Variants in ZSWIM5 observed in about 807,000 individuals in gnomAD.
ZSWIM5 encodes zinc finger SWIM domain-containing protein 5.
ZSWIM5 carries 55 observed loss-of-function variants against 119.6 expected under a neutral mutation model. The ratio of observed to expected loss-of-function variants is 0.46; its 90% CI spans 0.37 to 0.58. ZSWIM5 has a LOEUF of 0.58. ZSWIM5 is among the 20% of genes least tolerant of loss of function. The pLI, the probability that ZSWIM5 is intolerant of heterozygous loss-of-function variation, is 0.00. For synonymous variants in ZSWIM5, 537 were observed against 606.9 expected (o/e 0.88, Z 1.69); for missense variants, 1,193 against 1,512.8 (o/e 0.79, Z 3.51).
At chr1:45,042,775 G>A (rs905369529) in intron 6 of ZSWIM5, among the ~76,000 whole-genome samples, 6 of 152,314 alleles carry the variant, frequency 3.9e-5, no homozygotes, top group Admixed American at 2.0e-4. Context: ...GGAAGGTGGG[G>A]AGGAGAAAAG....
At chr1:45,158,494 T>C (rs989940085) in intron 1 of ZSWIM5, among the ~76,000 whole-genome samples, 1 of 152,226 alleles carries the variant, frequency 6.6e-6, no homozygotes, top group Non-Finnish European at 1.5e-5. Context: ...TTTTAAATAA[T>C]GTTACAGAAC....
At chr1:45,138,609 G>A (rs544069112) in intron 1 of ZSWIM5, among the ~76,000 whole-genome samples, 4 of 151,820 alleles carry the variant, frequency 2.6e-5, no homozygotes, top group Non-Finnish European at 4.4e-5. Context: ...AGCAGGTTCC[G>A]CAGGGCTGAC....
At chr1:45,035,630 A>G (rs918807898) in intron 10 of ZSWIM5, 58 bp downstream of exon 10, 7 of 1,575,380 alleles carry the variant, frequency 4.4e-6, no homozygotes, top group South Asian at 2.3e-5. Flanking sequence ...GCAATGAAAA[A>G]GAGCACTGGA....
chr1:45,046,634 A>G lies in ZSWIM5; in HGVS notation c.1433-3239T>C, dbSNP rs201355591. 2.6e-4 allele frequency among the ~76,000 whole-genome samples: 39 copies of G among 147,518 alleles called. 1 individual carries two copies. The East Asian group carries it at 2.8e-3, about 11-fold the overall frequency. On this transcript the variant is annotated intron_variant, in intron 5 of 13. Coordinates refer to ENST00000359600, the MANE Select transcript of ZSWIM5 (RefSeq NM_020883.2). ...TTGAGAGGAAAGGTCTGGGCAAGAT[A>G]TGTGTGTGTGTGTGTGTGTGTGTGT...
At chr1:45,047,439 T>C (rs2148995955) in intron 5 of ZSWIM5, among the ~76,000 whole-genome samples, 1 of 152,286 alleles carries the variant, frequency 6.6e-6, no homozygotes, top group African/African-American at 2.4e-5. Flanking sequence ...TAATGATTTT[T>C]CCTAACTCTA....
chr1:45,161,808 T>C (rs1282460107), intron 1 of ZSWIM5, among the ~76,000 whole-genome samples: 1 of 152,224 alleles, frequency 6.6e-6, no homozygotes, highest in Middle Eastern at 3.2e-3. Context: ...TAACTGACAA[T>C]TACATTTTTA....
chr1:45,140,295 T>C (rs1018965290), intron 1 of ZSWIM5, among the ~76,000 whole-genome samples: 1 of 152,248 alleles, frequency 6.6e-6, no homozygotes, highest in African/African-American at 2.4e-5. Flanking sequence ...TGGCTGCTTT[T>C]GTGCAACAAT....
intron 8 of ZSWIM5, among the ~76,000 whole-genome samples, chr1:45,037,688 A>G (rs1397284981): frequency 6.6e-6 from 1 of 152,204 alleles, no homozygotes; most frequent in African/African-American, 2.4e-5. Flanking sequence ...TTTGCAAGGG[A>G]TCAGAGGGAA....
intron 2 of ZSWIM5, among the ~76,000 whole-genome samples, chr1:45,076,240 T>A (rs1457656748): frequency 6.6e-6 from 1 of 152,186 alleles, no homozygotes; most frequent in Non-Finnish European, 1.5e-5. Context: ...TTCTTATTGT[T>A]CATTAACATC....
At chr1:45,064,602 A>G (rs1405354699) in intron 2 of ZSWIM5, among the ~76,000 whole-genome samples, 2 of 152,202 alleles carry the variant, frequency 1.3e-5, no homozygotes. Context: ...TTATACATAT[A>G]CCCATTAGAA....
intron 1 of ZSWIM5, among the ~76,000 whole-genome samples, chr1:45,092,860 C>T (rs1165878810): frequency 1.1e-4 from 17 of 152,220 alleles, no homozygotes. Context: ...CGGGGCCTGC[C>T]CCAAAATTTC....
chr1:45,195,619 C>A (rs540889881), intron 1 of ZSWIM5, among the ~76,000 whole-genome samples: 7 of 152,170 alleles, frequency 4.6e-5, no homozygotes, highest in Admixed American at 2.0e-4. Context: ...ATACAAATGT[C>A]TTTTGATGAT....
intron 1 of ZSWIM5, among the ~76,000 whole-genome samples, chr1:45,096,546 ACACACACG>A (rs1229080523): frequency 2.0e-5 from 3 of 151,268 alleles, no homozygotes; most frequent in African/African-American, 7.3e-5. Context: ...ACACACACAC[ACACACACG>A]CACACACACA....
At chr1:45,080,100 G>A (rs894551890) in intron 2 of ZSWIM5, among the ~76,000 whole-genome samples, 2 of 152,166 alleles carry the variant, frequency 1.3e-5, no homozygotes, top group Non-Finnish European at 2.9e-5. Context: ...TAAGGGAAGG[G>A]TGATGCCATC....
At chr1:45,132,956 T>G (rs1180651272) in intron 1 of ZSWIM5, among the ~76,000 whole-genome samples, 1 of 152,244 alleles carries the variant, frequency 6.6e-6, no homozygotes, top group Non-Finnish European at 1.5e-5. Flanking sequence ...TCCTTTTTTA[T>G]GGCTGCATAG....
At chr1:45,193,599 G>C (rs774830744) in intron 1 of ZSWIM5, among the ~76,000 whole-genome samples, 2 of 152,092 alleles carry the variant, frequency 1.3e-5, no homozygotes, top group Non-Finnish European at 2.9e-5. Flanking sequence ...GAGGTCACTA[G>C]CGACCTTTAA....
intron 4 of ZSWIM5, among the ~76,000 whole-genome samples, chr1:45,051,502 AGCTCAAATCT>A (rs1272831775): frequency 1.3e-5 from 2 of 152,176 alleles, no homozygotes; most frequent in East Asian, 3.8e-4. Flanking sequence ...TTGAACTCTG[AGCTCAAATCT>A]GCAGTGTAAT....
intron 1 of ZSWIM5, among the ~76,000 whole-genome samples, chr1:45,143,171 C>CAAA (rs60638239): frequency 6.5e-4 from 39 of 60,040 alleles, no homozygotes; most frequent in Admixed American, 3.4e-3. Flanking sequence ...GACTCTGTCT[C>CAAA]AAAAAAAAAA....
chr1:45,079,669 A>G (rs1011730062), intron 2 of ZSWIM5, among the ~76,000 whole-genome samples: 1 of 151,818 alleles, frequency 6.6e-6, no homozygotes, highest in African/African-American at 2.4e-5. Flanking sequence ...TTTTACTTTC[A>G]CTTTTCTCAA....
Sources: allele counts gnomAD v4.1 joint callset (sites outside exome capture counted in the v4.1 genomes callset), GRCh38; gene constraint gnomAD v4.1.1; transcripts MANE v1.5; gene names NCBI Gene and HGNC (gene_info 2026-07-23, HGNC 2026-07-21).